The following NSD2 variants were observed in gnomAD, a reference collection of about 807,000 sequenced individuals.
NSD2 encodes the protein nuclear receptor binding SET domain protein 2.
In NSD2, 12 loss-of-function variants were observed where a neutral mutation model predicts 139.0. The observed-to-expected ratio is 0.09, with a 90% confidence interval of 0.06 to 0.14. NSD2 has a LOEUF of 0.14. Among genes scored for constraint, NSD2 ranks in the 10% least tolerant of loss-of-function variants. The probability of loss-of-function intolerance (pLI) is 1.00; values close to 1 mark genes in which losing one functional copy is unlikely to be tolerated. For synonymous variants in NSD2, 669 were observed against 648.7 expected, an observed-to-expected ratio of 1.03 and a Z score of -0.48; for missense variants, 1,155 against 1,745.0, an observed-to-expected ratio of 0.66 and a Z score of 6.02.
At chr4:1,922,221 CAA>C (rs1174978884) in intron 5 of NSD2, among the ~76,000 whole-genome samples, 2 of 152,188 alleles carry the variant, frequency 1.3e-5, no homozygotes, top group African/African-American at 2.4e-5. Flanking sequence ...GTAGAAAACT[CAA>C]GAGAATGTAC....
intron 1 of NSD2, among the ~76,000 whole-genome samples, chr4:1,884,394 C>T (rs140223844): frequency 9.3e-5 from 14 of 151,132 alleles, no homozygotes; most frequent in Non-Finnish European, 1.6e-4. Context: ...ACCGCAGGCC[C>T]CTTTTGTTCT....
rs1222736054 is a variant in NSD2, at chr4:1,948,014, A to G, written c.1882-3058A>G. On this transcript the variant is annotated intron_variant, in intron 9 of 21. Coordinates refer to ENST00000508803, the MANE Select transcript of NSD2 (RefSeq NM_001042424.3). This position sits in a 1 kb window ranked among gnomAD's most constrained non-coding sequence, Gnocchi z 4.5. ...TTCACTAGGTTCCGTTATGTTTGGT[A>G]ATATCATCTTGAAAAGTCCCTGTAA... The G allele has an allele frequency of 9.5e-7, 1 of 1,056,170 alleles. No homozygotes were observed. The highest frequency in any genetic ancestry group is 1.1e-6 in the Non-Finnish European group (1 of 873,496). 65.4% of individuals were successfully genotyped at this position (1,056,170 alleles called of 1,614,324 possible). A position where few individuals can be genotyped will look rare whatever the true frequency, so the allele number is the denominator to read the frequency against.
intron 6 of NSD2, 79 bp downstream of exon 6, chr4:1,930,849 C>A: frequency 6.7e-7 from 1 of 1,496,270 alleles, no homozygotes; most frequent in African/African-American, 1.4e-5. Flanking sequence ...ATCTTGGAAC[C>A]GTAGGGAAGT....
chr4:1,943,726 CAAAA>C (rs201271995), intron 9 of NSD2: 10 of 1,048,030 alleles, frequency 9.5e-6, no homozygotes, highest in African/African-American at 3.4e-5. Context: ...TTAAAATTCT[CAAAA>C]AAAAACCCCA....
At chr4:1,908,484 T>C (rs916296483) in intron 3 of NSD2, among the ~76,000 whole-genome samples, 1 of 152,224 alleles carries the variant, frequency 6.6e-6, no homozygotes. Flanking sequence ...AAAGATACTG[T>C]ACATTTGAAA....
In NSD2 at chr4:1,904,288, G is replaced by C; in HGVS notation, c.670G>C (p.Asp224His). 6.2e-7 allele frequency: 1 copy of C among 1,614,200 alleles called. No individual in the cohort carries two copies. Among genetic ancestry groups the C allele is most frequent in the East Asian group, 2.2e-5 (1 of 44,886 alleles). ...KDHLLKYNVGDLVWSKVSGYP... is the reference protein window; with the variant it reads ...KDHLLKYNVGHLVWSKVSGYP... ...CCACCTGTTGAAATACAACGTTGGT[G>C]ATTTGGTGTGGTCCAAAGTGTCGGG... is the stretch of plus-strand genomic sequence containing the variant. The change falls in exon 3 of 22, where the codon GAT (aspartate) becomes CAT (histidine). Residue 224 changes from aspartate to histidine, a missense_variant. Transcript: ENST00000508803.
intron 5 of NSD2, among the ~76,000 whole-genome samples, chr4:1,928,925 AG>A (rs1302111394): frequency 6.6e-6 from 1 of 151,940 alleles, no homozygotes; most frequent in Non-Finnish European, 1.5e-5. Context: ...GGCAGCAATC[AG>A]GGTAGGGCCT....
chr4:1,897,718 C>T (rs990863659), intron 1 of NSD2, among the ~76,000 whole-genome samples: 4 of 152,162 alleles, frequency 2.6e-5, no homozygotes, highest in Admixed American at 2.0e-4. Flanking sequence ...CCTCCACCTC[C>T]TGGGTTCAAG....
rs1722256232 is a variant in NSD2, at chr4:1,935,261, A to G, written c.1673A>G (p.Lys558Arg). ...AGGACGGACAAGCACAGTCTTCGGA[A>G]GGTAATTGTGTTCCAGGTTTGCTTG... ...RLRTDKHSLR[K>R]RDTITDKTAR... The change falls in exon 7 of 22, where the codon AAG becomes AGG. Residue 558 changes from lysine to arginine, a missense_variant and splice_region_variant. By Grantham distance (26) the Lys-to-Arg change is conservative. Transcript: ENST00000508803. The G allele has an allele frequency of 6.2e-7, 1 of 1,610,728 alleles. No homozygotes were observed. The highest frequency in any genetic ancestry group is 1.1e-5 in the South Asian group (1 of 90,620).
intron 4 of NSD2, among the ~76,000 whole-genome samples, chr4:1,917,257 G>C (rs78128368): frequency 6.6e-6 from 1 of 151,958 alleles, no homozygotes; most frequent in Non-Finnish European, 1.5e-5. Context: ...GACTCTCAGA[G>C]ATAACTTGTT....
intron 1 of NSD2, among the ~76,000 whole-genome samples, chr4:1,890,745 C>T (rs1025820392): frequency 5.3e-5 from 8 of 151,936 alleles, no homozygotes; most frequent in Admixed American, 1.3e-4. Flanking sequence ...ATTACAGGCG[C>T]CCACCACCAC....
chr4:1,908,336 G>C (rs997324080), intron 3 of NSD2, among the ~76,000 whole-genome samples: 1 of 152,244 alleles, frequency 6.6e-6, no homozygotes, highest in Non-Finnish European at 1.5e-5. Context: ...ACCAGCATAG[G>C]CTGGGCAGTG....
chr4:1,971,746 G>A (rs1726505174), intron 18 of NSD2, among the ~76,000 whole-genome samples: 2 of 152,150 alleles, frequency 1.3e-5, no homozygotes. Flanking sequence ...GTGACCGAGT[G>A]GGGTTTACCC....
chr4:1,930,804 G>T, intron 6 of NSD2, 34 bp downstream of exon 6: 1 of 1,598,058 alleles, frequency 6.3e-7, no homozygotes, highest in Non-Finnish European at 8.5e-7. Flanking sequence ...TCCTCTGCTT[G>T]GGTTGATGTG....
intron 9 of NSD2, chr4:1,945,355 C>T: frequency 9.4e-7 from 1 of 1,065,310 alleles, no homozygotes; most frequent in Non-Finnish European, 1.1e-6. Flanking sequence ...CTTGCTGCTC[C>T]TGTGCTGCCC....
chr4:1,916,099 T>C (rs913669578), intron 3 of NSD2, among the ~76,000 whole-genome samples: 1 of 152,160 alleles, frequency 6.6e-6, no homozygotes, highest in African/African-American at 2.4e-5. Flanking sequence ...CTCTGTGGTC[T>C]GAGCTGCTCT....
chr4:1,899,036 A>G (rs962324537), intron 1 of NSD2, among the ~76,000 whole-genome samples: 16 of 152,110 alleles, frequency 1.1e-4, no homozygotes, highest in Admixed American at 2.0e-4. Flanking sequence ...GACAGTTGGT[A>G]TGATATGAGC....
intron 1 of NSD2, among the ~76,000 whole-genome samples, chr4:1,871,912 C>T (rs1713806110): frequency 6.8e-6 from 1 of 147,454 alleles, no homozygotes; most frequent in South Asian, 2.1e-4. Flanking sequence ...CCGGCCGGGC[C>T]CTGCGGCTGC....
intron 1 of NSD2, among the ~76,000 whole-genome samples, chr4:1,875,181 A>G (rs1350644445): frequency 1.3e-5 from 2 of 150,622 alleles, no homozygotes; most frequent in Non-Finnish European, 1.5e-5. Context: ...GGTCTCTGTA[A>G]CTCCTGGCCT....
Sources: allele counts gnomAD v4.1 joint callset (sites outside exome capture counted in the v4.1 genomes callset), GRCh38; gene constraint gnomAD v4.1.1; non-coding constraint Gnocchi (gnomAD v3.1); transcripts MANE v1.5; gene names NCBI Gene and HGNC (gene_info 2026-07-23, HGNC 2026-07-21).